The following SHROOM4 variants were observed in gnomAD, a reference collection of about 807,000 sequenced individuals.
SHROOM4 encodes protein Shroom4.
Under a neutral mutation model 80.3 loss-of-function variants are expected in SHROOM4, and 17 were observed. That is an observed-to-expected ratio of 0.21 (90% CI 0.14 to 0.32). The LOEUF is 0.32. SHROOM4 is among the 10% of genes least tolerant of loss of function. The pLI is 1.00. For missense variants in SHROOM4, 993 were observed against 1,140.3 expected (o/e 0.87, Z 1.86); for synonymous variants, 400 against 437.5 (o/e 0.91, Z 1.07).
intron 2 of SHROOM4, among the ~76,000 whole-genome samples, chrX:50,663,772 T>A (rs1557260141): frequency 9.0e-6 from 1 of 111,295 alleles, no homozygotes; most frequent in African/African-American, 3.3e-5. Context: ...CTTCCTCTAA[T>A]CTTCAAAATC....
rs1450422600 is a variant in SHROOM4 at position 50,633,565 on chromosome X, T to A, written c.2508A>T (p.Pro836=). 2.5e-6 allele frequency: 3 copies of A among 1,209,902 alleles called. No homozygotes were observed. The highest frequency in any genetic ancestry group is 3.4e-6 in the Non-Finnish European group (3 of 895,259). ...MDQSYHSADQ[P]YHATDQSYHS... is the part of the protein sequence containing the mutation. ...GATATGATTGGTCTGTGGCATGATA[T>A]GGTTGGTCTGCGGAATGATATGATT... The change falls in exon 4 of 9, where the codon CCA becomes CCT. Residue 836 remains proline (P), a synonymous_variant. Transcript: ENST00000376020.
chrX:50,794,518 A>C (rs782062692), intron 1 of SHROOM4, among the ~76,000 whole-genome samples: 1 of 110,380 alleles, frequency 9.1e-6, no homozygotes, highest in South Asian at 3.9e-4. Flanking sequence ...GATGTTCTGC[A>C]GGACGCAGCA....
Position 50,598,364 on chromosome X carries a change from G to T in SHROOM4, c.4114C>A (p.Leu1372Met), listed in dbSNP as rs782257793. Reference sequence around the variant, plus strand: ...AGCAACAGGTTGACCACTTTGTCCAGGTCCCCAACAAACAAGTGGTACTTT... The same window carrying T: ...AGCAACAGGTTGACCACTTTGTCCATGTCCCCAACAAACAAGTGGTACTTT... ...FEKYHLFVGD[L>M]DKVVNLLLSL... is the part of the protein sequence containing the mutation. The change falls in exon 8 of 9, where the codon CTG becomes ATG. Residue 1372 changes from leucine (L) to methionine (M), a missense_variant. Transcript: ENST00000376020. The T allele has an allele frequency of 1.7e-6, 2 of 1,211,055 alleles. No individual in the cohort carries two copies. Among genetic ancestry groups the T allele is most frequent in the African/African-American group, 1.7e-5 (1 of 57,601 alleles).
At chrX:50,575,964 G>C in the SHROOM4 span, among the ~76,000 whole-genome samples, 1 of 111,672 alleles carries the variant, frequency 9.0e-6, no homozygotes. Context: ...TCCTGTATTT[G>C]GTCACTTTTT....
At chrX:50,762,474 T>A (rs1270550011) in intron 1 of SHROOM4, among the ~76,000 whole-genome samples, 1 of 112,654 alleles carries the variant, frequency 8.9e-6, no homozygotes, top group Non-Finnish European at 1.9e-5. Flanking sequence ...CATAATTACA[T>A]TTATCAGCAC....
rs1557246776 is a variant in SHROOM4, at chrX:50,596,874, C to A, written c.4303G>T (p.Val1435Leu). 1.7e-6 allele frequency: 2 copies of A among 1,211,246 alleles called. No homozygotes were observed. The highest frequency in any genetic ancestry group is 2.2e-6 in the Non-Finnish European group (2 of 895,351). The stretch of plus-strand genomic sequence containing the variant: ...AGGTAGCGGGAGACCATGCCAAACA[C>A]CAACTTCTCCCGGCGGTCCACGTGC... ...KEHVDRREKL[V>L]FGMVSRYLPQ... Residue 1435 changes from valine (V) to leucine (L), a missense_variant, in exon 9 of 9, where the codon GTG (valine) becomes TTG (leucine). Val to Leu is a conservative substitution (Grantham distance 32). Coordinates refer to ENST00000376020, the MANE Select transcript of SHROOM4 (RefSeq NM_020717.5).
At chrX:50,813,309 A>C (rs1407383381) in intron 1 of SHROOM4, among the ~76,000 whole-genome samples, 3 of 111,583 alleles carry the variant, frequency 2.7e-5, no homozygotes, top group African/African-American at 9.8e-5. Flanking sequence ...AGGGAGGGAG[A>C]GGCCGAGCCG....
intron 5 of SHROOM4, among the ~76,000 whole-genome samples, 163 bp from the exon 6 acceptor site, chrX:50,608,347 CACTT>C (rs1308548121): frequency 9.0e-6 from 1 of 111,700 alleles, no homozygotes. Flanking sequence ...TGATAGCTAA[CACTT>C]ACTGAGCACA....
In SHROOM4 at chrX:50,587,377, C is replaced by A. The variant is rs1557244949; in HGVS notation, c.*9318G>T. On this transcript the variant is annotated 3_prime_UTR_variant, in exon 9 of 9. Coordinates refer to ENST00000376020, the MANE Select transcript of SHROOM4 (RefSeq NM_020717.5). Reference sequence around the variant, plus strand: ...ATGACCATATGATGCAGAGATTCTTCTTCTGGGTAAATACCCAAAGGAAAT... The same window carrying A: ...ATGACCATATGATGCAGAGATTCTTATTCTGGGTAAATACCCAAAGGAAAT... Among the ~76,000 whole-genome samples the A allele has an allele frequency of 8.9e-6, 1 of 112,070 alleles. No homozygotes were observed. Among genetic ancestry groups the A allele is most frequent in the Non-Finnish European group, 1.9e-5 (1 of 53,174 alleles).
At chrX:50,804,267 C>T (rs1445537474) in intron 1 of SHROOM4, among the ~76,000 whole-genome samples, 1 of 111,848 alleles carries the variant, frequency 8.9e-6, no homozygotes, top group East Asian at 2.8e-4. Context: ...ATGAAAATGA[C>T]TTCCCAGGGT....
chrX:50,597,689 C>G (rs1929179222), intron 8 of SHROOM4, among the ~76,000 whole-genome samples: 1 of 111,673 alleles, frequency 9.0e-6, no homozygotes, highest in African/African-American at 3.3e-5. Context: ...TCCCATAAGG[C>G]AGGTAGTATG....
intron 2 of SHROOM4, among the ~76,000 whole-genome samples, chrX:50,677,492 T>C (rs782357706): frequency 9.0e-6 from 1 of 111,192 alleles, no homozygotes; most frequent in East Asian, 2.8e-4. Context: ...ACTGGTGAGA[T>C]TGAGTCTAGA....
intron 1 of SHROOM4, among the ~76,000 whole-genome samples, chrX:50,740,004 A>G (rs1934612224): frequency 1.9e-5 from 1 of 53,251 alleles, no homozygotes; most frequent in Admixed American, 2.5e-4. Context: ...ATGCAGCCAT[A>G]AAAAATGATG....
intron 5 of SHROOM4, among the ~76,000 whole-genome samples, chrX:50,619,429 G>T (rs1930481088): frequency 9.0e-6 from 1 of 111,567 alleles, no homozygotes; most frequent in African/African-American, 3.3e-5. Context: ...TCCAGGAAGT[G>T]AGACGCAAGG....
intron 1 of SHROOM4, among the ~76,000 whole-genome samples, chrX:50,712,493 T>C (rs1933844258): frequency 1.8e-5 from 2 of 112,073 alleles, no homozygotes; most frequent in Admixed American, 1.9e-4. Flanking sequence ...TACCCCATTC[T>C]CCATGATGTG....
chrX:50,745,745 T>C (rs1934761014), intron 1 of SHROOM4, among the ~76,000 whole-genome samples: 1 of 111,222 alleles, frequency 9.0e-6, no homozygotes, highest in Admixed American at 9.5e-5. Context: ...GTTTTCTCGG[T>C]TGTACTCACC....
At position 50,630,501 on chromosome X, in the gene SHROOM4, T is replaced by C. The variant is rs1328246856; in HGVS notation, c.2895+2677A>G. 7.2e-5 allele frequency among the ~76,000 whole-genome samples: 8 copies of C among 111,311 alleles called. No homozygotes were observed. In the East Asian group the frequency reaches 2.3e-3, roughly 32 times the overall value. On this transcript the variant is annotated intron_variant, in intron 4 of 8. Transcript: ENST00000376020. Reference sequence around the variant, plus strand: ...GGCATTGTAAGTTCGGGGGAAGAAATTCAAAACCAGGCAGTCTGGTTCCAG... The same window carrying C: ...GGCATTGTAAGTTCGGGGGAAGAAACTCAAAACCAGGCAGTCTGGTTCCAG...
chrX:50,665,053 C>T (rs1932649038), intron 2 of SHROOM4, among the ~76,000 whole-genome samples: 1 of 111,064 alleles, frequency 9.0e-6, no homozygotes, highest in Non-Finnish European at 1.9e-5. Flanking sequence ...CATTATTAAA[C>T]ATAGCATACC....
At chrX:50,813,825 C>G in intron 1 of SHROOM4, 77 bp downstream of exon 1, 2 of 809,322 alleles carry the variant, frequency 2.5e-6, no homozygotes, top group East Asian at 6.5e-5. Flanking sequence ...CCTGAGGGCC[C>G]CGTCCAGCGG....
Sources: gnomAD v4.1 joint callset for allele counts (sites outside exome capture counted in the v4.1 genomes callset) on GRCh38, gnomAD v4.1.1 for gene constraint, MANE v1.5 for transcripts, NCBI Gene and HGNC (gene_info 2026-07-23, HGNC 2026-07-21) for gene names.